CAP2: variants seen among roughly 807,000 people sequenced by gnomAD.
CAP2 encodes the protein adenylyl cyclase-associated protein 2.
CAP2 carries 24 observed loss-of-function variants against 57.7 expected under a neutral mutation model. That is an observed-to-expected ratio of 0.42 (90% CI 0.30 to 0.58). CAP2 has a LOEUF of 0.58. Among genes scored for constraint, CAP2 ranks in the 20% least tolerant of loss-of-function variants. The pLI is 0.22. For synonymous variants in CAP2, 194 were observed against 207.2 expected, an observed-to-expected ratio of 0.94 and a Z score of 0.55; for missense variants, 501 against 590.3, an observed-to-expected ratio of 0.85 and a Z score of 1.57.
At chr6:17,519,783 A>C (rs910379294) in intron 7 of CAP2, among the ~76,000 whole-genome samples, 1 of 152,206 alleles carries the variant, frequency 6.6e-6, no homozygotes, top group African/African-American at 2.4e-5. Context: ...TTTTTCCTAC[A>C]AAACTCTTCA....
intron 2 of CAP2, among the ~76,000 whole-genome samples, chr6:17,425,486 A>T (rs1759566462): frequency 6.6e-6 from 1 of 152,140 alleles, no homozygotes; most frequent in African/African-American, 2.4e-5. Context: ...AGAGTTCATT[A>T]TTACCTTCTG....
At chr6:17,541,232 GA>G in intron 9 of CAP2, 84 bp downstream of exon 9, 1 of 1,111,588 alleles carries the variant, frequency 9.0e-7, no homozygotes, top group South Asian at 1.7e-5. Flanking sequence ...AGATCTGAAG[GA>G]TTTCTTTTTT....
At chr6:17,538,593 C>G (rs1429315126) in intron 7 of CAP2, among the ~76,000 whole-genome samples, 1 of 152,204 alleles carries the variant, frequency 6.6e-6, no homozygotes, top group East Asian at 1.9e-4. Flanking sequence ...ATAACCATAG[C>G]TCTTGGATCA....
At chr6:17,457,977 G>A (rs767632355) in intron 3 of CAP2, among the ~76,000 whole-genome samples, 3 of 152,184 alleles carry the variant, frequency 2.0e-5, no homozygotes, top group South Asian at 2.1e-4. Flanking sequence ...AGATGAGGAC[G>A]TTACCTCTAT....
At chr6:17,555,652 C>T (rs1763284615) in intron 12 of CAP2, among the ~76,000 whole-genome samples, 1 of 151,842 alleles carries the variant, frequency 6.6e-6, no homozygotes, top group Admixed American at 6.6e-5. Flanking sequence ...CAACCTCTGC[C>T]TCCTGGGTTC....
intron 4 of CAP2, among the ~76,000 whole-genome samples, chr6:17,475,959 T>C (rs1761143161): frequency 1.3e-5 from 2 of 152,202 alleles, no homozygotes; most frequent in South Asian, 4.1e-4. Context: ...TTAAATGACT[T>C]GAACAACAGG....
intron 3 of CAP2, among the ~76,000 whole-genome samples, chr6:17,439,402 T>G (rs1221255198): frequency 6.6e-6 from 1 of 151,448 alleles, no homozygotes; most frequent in African/African-American, 2.5e-5. Context: ...TTCATTCCAT[T>G]GTGCTGTTCA....
chr6:17,409,503 T>G (rs1275765564), intron 1 of CAP2, among the ~76,000 whole-genome samples: 1 of 152,176 alleles, frequency 6.6e-6, no homozygotes, highest in Admixed American at 6.5e-5. Flanking sequence ...ATGAGTGCTG[T>G]GGACCATTCA....
At chr6:17,404,306 A>G (rs1234920238) in intron 1 of CAP2, among the ~76,000 whole-genome samples, 1 of 152,092 alleles carries the variant, frequency 6.6e-6, no homozygotes, top group Non-Finnish European at 1.5e-5. Context: ...CTCTATCTCT[A>G]TTAAAAATAC....
At chr6:17,445,012 A>G (rs1445055489) in intron 3 of CAP2, among the ~76,000 whole-genome samples, 1 of 152,192 alleles carries the variant, frequency 6.6e-6, no homozygotes, top group Non-Finnish European at 1.5e-5. Flanking sequence ...CTGAAAATTC[A>G]CCAATATATT....
intron 1 of CAP2, among the ~76,000 whole-genome samples, chr6:17,397,723 A>T (rs1758707428): frequency 6.8e-6 from 1 of 146,934 alleles, no homozygotes; most frequent in African/African-American, 2.5e-5. Context: ...AAAAAGAATT[A>T]CCCACGTTGT....
Position 17,556,684 on chromosome 6 carries a change from G to A in CAP2, c.*242G>A, listed in dbSNP as rs1172119724. On this transcript the variant is annotated 3_prime_UTR_variant, in exon 13 of 13. Coordinates refer to ENST00000229922, the MANE Select transcript of CAP2 (RefSeq NM_006366.3). ...TCCACATGATGACTTGTGAACATTAGGGATTTAAAGGAAAAAAAAAAAGAA... is the reference window on the plus strand; with the variant it reads ...TCCACATGATGACTTGTGAACATTAAGGATTTAAAGGAAAAAAAAAAAGAA... The A allele has an allele frequency of 8.6e-6, 4 of 465,970 alleles. No individual in the cohort carries two copies. The highest frequency in any genetic ancestry group is 4.4e-5 in the South Asian group (1 of 22,654). 28.9% of individuals were successfully genotyped at this position (465,970 alleles called of 1,614,324 possible). A position where few individuals can be genotyped will look rare whatever the true frequency, so the allele number is the denominator to read the frequency against.
chr6:17,416,418 G>GT (rs1358434681), intron 1 of CAP2, among the ~76,000 whole-genome samples: 2 of 152,176 alleles, frequency 1.3e-5, no homozygotes, highest in African/African-American at 4.8e-5. Flanking sequence ...TGGCAACCCT[G>GT]TGTATAGTAT....
At chr6:17,452,193 C>T (rs1760423323) in intron 3 of CAP2, among the ~76,000 whole-genome samples, 2 of 152,216 alleles carry the variant, frequency 1.3e-5, no homozygotes, top group Non-Finnish European at 2.9e-5. Flanking sequence ...ATGATGGGAC[C>T]AGTCACAGAC....
At chr6:17,469,014 G>A (rs935925451) in intron 4 of CAP2, among the ~76,000 whole-genome samples, 6 of 152,148 alleles carry the variant, frequency 3.9e-5, no homozygotes, top group Non-Finnish European at 8.8e-5. Context: ...ATGAACAAGT[G>A]TTTTTTGGCC....
chr6:17,493,330 A>G, intron 4 of CAP2: 1 of 299,072 alleles, frequency 3.3e-6, no homozygotes, highest in Non-Finnish European at 7.1e-6. Context: ...TCAATTTGTT[A>G]AGATATGATA....
At chr6:17,398,895 A>G (rs2113496642) in intron 1 of CAP2, among the ~76,000 whole-genome samples, 1 of 152,152 alleles carries the variant, frequency 6.6e-6, no homozygotes, top group Middle Eastern at 3.4e-3. Context: ...AACCATTATT[A>G]TTGTCCATCT....
chr6:17,450,615 G>A (rs1040862655), intron 3 of CAP2, among the ~76,000 whole-genome samples: 4 of 152,150 alleles, frequency 2.6e-5, no homozygotes, highest in African/African-American at 9.7e-5. Context: ...TCCTATTAAT[G>A]AAGAATAAAC....
intron 1 of CAP2, among the ~76,000 whole-genome samples, chr6:17,402,471 T>C (rs1013837463): frequency 1.3e-5 from 2 of 152,010 alleles, no homozygotes; most frequent in Non-Finnish European, 2.9e-5. Flanking sequence ...AAATCTATCT[T>C]AAAAAACAAA....
Sources: allele counts gnomAD v4.1 joint callset (sites outside exome capture counted in the v4.1 genomes callset), GRCh38; gene constraint gnomAD v4.1.1; transcripts MANE v1.5; gene names NCBI Gene and HGNC (gene_info 2026-07-23, HGNC 2026-07-21).